Variants in UBAP2 observed in about 807,000 individuals in gnomAD.
UBAP2 encodes ubiquitin-associated protein 2.
Under a neutral mutation model 139.6 loss-of-function variants are expected in UBAP2, and 75 were observed. The observed-to-expected ratio is 0.54, with a 90% CI of 0.45 to 0.65. UBAP2 has a LOEUF of 0.65. UBAP2 is among the 30% of genes least tolerant of loss of function. UBAP2 has a pLI of 0.00. For synonymous variants in UBAP2, 526 were observed against 526.2 expected, an observed-to-expected ratio of 1.00 and a Z score of 0.01; for missense variants, 1,368 against 1,369.6, an observed-to-expected ratio of 1.00 and a Z score of 0.02.
chr9:34,016,059 C>G (rs1824229201), intron 2 of UBAP2, among the ~76,000 whole-genome samples: 1 of 151,760 alleles, frequency 6.6e-6, no homozygotes, highest in South Asian at 2.1e-4. Flanking sequence ...ATATTTCATT[C>G]CAAGGACACA....
Position 33,951,421 on chromosome 9 carries a change from G to A in UBAP2, c.1056+1864C>T, listed in dbSNP as rs369416618. On this transcript the variant is annotated intron_variant, in intron 12 of 28. Coordinates refer to ENST00000379238, the MANE Select transcript of UBAP2 (RefSeq NM_001370062.2). Reference sequence around the variant, plus strand: ...GAGTGCAATGGCATGATCACGGCTCGCTGCAACCTCCACCTCCCGGGTTCA... The same window carrying A: ...GAGTGCAATGGCATGATCACGGCTCACTGCAACCTCCACCTCCCGGGTTCA... Among the ~76,000 whole-genome samples, 190 of 137,646 alleles carry A rather than the reference G, an allele frequency of 1.4e-3. 2 individuals carry two copies. Among genetic ancestry groups the A allele is most frequent in the Non-Finnish European group, 2.1e-3 (139 of 65,918 alleles). 90.3% of individuals were successfully genotyped at this position (137,646 alleles called of 152,430 possible).
chr9:33,923,491 G>A lies in UBAP2; in HGVS notation c.2797-13C>T. On this transcript the variant is annotated splice_polypyrimidine_tract_variant and intron_variant, in intron 24 of 28. Transcript: ENST00000379238. Reference sequence around the variant, plus strand: ...AGGCTGGAGGGACCTGGGGGGGCAAGCAGATGAGGTATTAGTGTAGGAAGA... The same window carrying A: ...AGGCTGGAGGGACCTGGGGGGGCAAACAGATGAGGTATTAGTGTAGGAAGA... 6.2e-7 allele frequency: 1 copy of A among 1,613,292 alleles called. No homozygotes were observed. The highest frequency in any genetic ancestry group is 8.5e-7 in the Non-Finnish European group (1 of 1,179,278).
In UBAP2 at chr9:34,030,396, C is replaced by A. The variant is rs143528434; in HGVS notation, c.-41-13207G>T. Among the ~76,000 whole-genome samples the A allele has an allele frequency of 5.7e-3, 871 of 152,016 alleles. 6 individuals carry two copies. Among genetic ancestry groups the A allele is most frequent in the African/African-American group, 0.019 (791 of 41,464 alleles). On this transcript the variant is annotated intron_variant, in intron 1 of 28. Coordinates refer to ENST00000379238, the MANE Select transcript of UBAP2 (RefSeq NM_001370062.2). ...CCCGGAAGGCGGAGGTTGCAGTGAG[C>A]CGAGATCGCGCCACTGCACTCCAGC...
At chr9:33,939,333 G>A (rs1021472240) in intron 16 of UBAP2, among the ~76,000 whole-genome samples, 2 of 151,278 alleles carry the variant, frequency 1.3e-5, no homozygotes, top group African/African-American at 4.9e-5. Flanking sequence ...AGTAGTAGCT[G>A]GGACTACAGG....
At chr9:33,945,242 T>C (rs1433374942) in intron 13 of UBAP2, among the ~76,000 whole-genome samples, 1 of 152,158 alleles carries the variant, frequency 6.6e-6, no homozygotes, top group Admixed American at 6.5e-5. Flanking sequence ...CTCACGCCTG[T>C]AATCCCAACA....
chr9:34,048,594 G>A (rs1038742504), intron 1 of UBAP2, among the ~76,000 whole-genome samples: 1 of 152,130 alleles, frequency 6.6e-6, no homozygotes, highest in Non-Finnish European at 1.5e-5. Flanking sequence ...ACGGGGGAAA[G>A]TAGGAAGAAG....
intron 5 of UBAP2, among the ~76,000 whole-genome samples, chr9:33,987,651 C>T (rs1331893609): frequency 6.6e-6 from 1 of 152,078 alleles, no homozygotes; most frequent in Non-Finnish European, 1.5e-5. Context: ...TCACATCTTC[C>T]TTAATTCACA....
intron 1 of UBAP2, among the ~76,000 whole-genome samples, chr9:34,032,916 C>CAAAAAAA (rs71506153): frequency 2.5e-5 from 3 of 118,072 alleles, no homozygotes; most frequent in African/African-American, 3.3e-5. Flanking sequence ...ACCCTGTCTT[C>CAAAAAAA]AAAAAAAAAA....
In UBAP2 at chr9:33,927,920, T is replaced by C. The variant is rs749196714; in HGVS notation, c.2248A>G (p.Ser750Gly). The change falls in exon 20 of 29, where the codon AGT becomes GGT. Residue 750 changes from serine to glycine, a missense_variant. By Grantham distance (56) the Ser-to-Gly change is moderately conservative. Coordinates refer to ENST00000379238, the MANE Select transcript of UBAP2 (RefSeq NM_001370062.2). ...TFSTAATSVS[S>G]SASSGASLSS... The stretch of plus-strand genomic sequence containing the variant: ...AGGCTGGCGCCTGAGGATGCGGAAC[T>C]TGAGACGGAGGTCGCTGCCGTGGAG... 8.1e-6 allele frequency: 13 copies of C among 1,614,044 alleles called. No individual in the cohort carries two copies. Among genetic ancestry groups the C allele is most frequent in the Non-Finnish European group, 1.0e-5 (12 of 1,180,034 alleles).
chr9:33,954,017 G>C (rs559428314), intron 11 of UBAP2, among the ~76,000 whole-genome samples: 9 of 151,296 alleles, frequency 5.9e-5, no homozygotes, highest in African/African-American at 2.2e-4. Context: ...AGCGATTCTC[G>C]TGCCTCAGCC....
At chr9:33,952,642 A>G (rs1186964451) in intron 12 of UBAP2, 1 of 153,324 alleles carries the variant, frequency 6.5e-6, no homozygotes, top group East Asian at 1.9e-4. Context: ...TGAATATACT[A>G]ACTATAGAGA....
intron 2 of UBAP2, among the ~76,000 whole-genome samples, chr9:34,016,286 AGGAGGAGGAAG>A (rs1824292497): frequency 2.9e-4 from 5 of 17,414 alleles, no homozygotes; most frequent in African/African-American, 6.8e-4. Context: ...GAGGAAGAGG[AGGAGGAGGAAG>A]AGGAGGAAGA....
intron 6 of UBAP2, 72 bp downstream of exon 6, chr9:33,986,688 C>T (rs1821243930): frequency 2.4e-6 from 3 of 1,253,370 alleles, no homozygotes; most frequent in Non-Finnish European, 3.5e-6. Flanking sequence ...TCCCTAGTCA[C>T]AGTCCAGCAA....
At chr9:33,955,327 T>G (rs1826460669) in intron 11 of UBAP2, among the ~76,000 whole-genome samples, 1 of 151,956 alleles carries the variant, frequency 6.6e-6, no homozygotes, top group South Asian at 2.1e-4. Flanking sequence ...GAGACCAGCC[T>G]AGCCAATATG....
intron 6 of UBAP2, 81 bp downstream of exon 6, chr9:33,986,679 C>A (rs918332259): frequency 8.9e-7 from 1 of 1,124,368 alleles, no homozygotes; most frequent in Non-Finnish European, 1.4e-6. Flanking sequence ...ACACTGCCAT[C>A]CCTAGTCACA....
chr9:34,034,067 C>T (rs961868439), intron 1 of UBAP2, among the ~76,000 whole-genome samples: 4 of 152,162 alleles, frequency 2.6e-5, no homozygotes, highest in Middle Eastern at 3.4e-3. Flanking sequence ...ACCAGATGAC[C>T]TAAAATAATA....
intron 6 of UBAP2, among the ~76,000 whole-genome samples, chr9:33,984,559 T>C (rs563607808): frequency 6.6e-6 from 1 of 151,852 alleles, no homozygotes; most frequent in African/African-American, 2.4e-5. Flanking sequence ...ATGCCTATAG[T>C]CCCAGCTGCT....
intron 10 of UBAP2, among the ~76,000 whole-genome samples, chr9:33,957,695 G>C (rs1395664552): frequency 2.0e-5 from 3 of 152,028 alleles, no homozygotes; most frequent in Non-Finnish European, 2.9e-5. Context: ...GGAAAATGTT[G>C]ATCTAATGAG....
Position 34,017,134 on chromosome 9 carries a change from C to T in UBAP2, c.15G>A (p.Val5=), listed in dbSNP as rs570788147. Residue 5 remains valine (V), a synonymous_variant, in exon 2 of 29, where the codon GTG becomes GTA. Transcript: ENST00000379238. ...GAGCACCTCGACAATGGTCACTGCT[C>T]ACTGAAGTCATCATATACAGTATAT... The part of the protein sequence containing the change: MMTS[V]SSDHCRGARE... 6.2e-6 allele frequency: 10 copies of T among 1,606,108 alleles called. No homozygotes were observed. The highest frequency in any genetic ancestry group is 5.4e-5 in the African/African-American group (4 of 74,470).
Sources: allele counts gnomAD v4.1 joint callset (sites outside exome capture counted in the v4.1 genomes callset), GRCh38; gene constraint gnomAD v4.1.1; transcripts MANE v1.5; gene names NCBI Gene and HGNC (gene_info 2026-07-23, HGNC 2026-07-21).